Variants in UNC13C observed in about 807,000 individuals in gnomAD.
UNC13C encodes the protein unc-13 homolog C.
In UNC13C, 174 loss-of-function variants were observed where a neutral mutation model predicts 245.4. That is an observed-to-expected ratio of 0.71 (90% CI 0.63 to 0.80). The LOEUF (loss-of-function observed/expected upper bound fraction) is 0.80, where lower values mean the gene tolerates loss of function less well. Among genes scored for constraint, UNC13C ranks in the 30% least tolerant of loss-of-function variants. The probability of loss-of-function intolerance (pLI) is 0.00; values close to 1 mark genes in which losing one functional copy is unlikely to be tolerated. For missense variants in UNC13C, 2,829 were observed against 2,602.9 expected, an observed-to-expected ratio of 1.09 and a Z score of -1.89; for synonymous variants, 992 against 895.1, an observed-to-expected ratio of 1.11 and a Z score of -1.93.
chr15:54,603,749 A>G (rs916373871), intron 30 of UNC13C, among the ~76,000 whole-genome samples: 2 of 152,152 alleles, frequency 1.3e-5, no homozygotes, highest in Non-Finnish European at 2.9e-5. Flanking sequence ...CTGGAATGCC[A>G]GCTACTTGGG....
Position 54,015,037 on chromosome 15 carries a change from T to C in UNC13C, c.2134T>C (p.Tyr712His), listed in dbSNP as rs752352686. ...HSDLQDDSES[Y>H]DLTQDDNSSP... ...TGATCTTCAAGATGACTCAGAGAGC[T>C]ACGACTTAACTCAAGATGACAATTC... The change falls in exon 2 of 33, where the codon TAC (tyrosine) becomes CAC (histidine). Residue 712 changes from tyrosine (Y) to histidine (H), a missense_variant. Tyr to His is a moderately conservative substitution (Grantham distance 83). Coordinates refer to ENST00000260323, the MANE Select transcript of UNC13C (RefSeq NM_001080534.3). 1 of 1,613,236 alleles carries C rather than the reference T, an allele frequency of 6.2e-7. No homozygotes were observed. The highest frequency in any genetic ancestry group is 2.2e-5 in the East Asian group (1 of 44,872).
At chr15:54,111,943 C>T (rs928989977) in intron 2 of UNC13C, among the ~76,000 whole-genome samples, 6 of 152,064 alleles carry the variant, frequency 3.9e-5, no homozygotes, top group Admixed American at 6.6e-5. Flanking sequence ...TATAGAGAAC[C>T]TTTTGCCACA....
the UNC13C span, among the ~76,000 whole-genome samples, chr15:53,847,077 C>CAACAACAAAAAACAACAAA: frequency 6.6e-6 from 1 of 152,004 alleles, no homozygotes; most frequent in African/African-American, 2.4e-5. Context: ...AGAACAACAA[C>CAACAACAAAAAACAACAAA]AACAACAAAA....
chr15:54,327,959 A>G (rs1025718887), intron 14 of UNC13C, among the ~76,000 whole-genome samples: 2 of 152,106 alleles, frequency 1.3e-5, no homozygotes, highest in African/African-American at 4.8e-5. Context: ...GCAGAAAAAG[A>G]ATTTACTGTT....
At chr15:53,945,384 T>G in the UNC13C span, among the ~76,000 whole-genome samples, 2 of 152,164 alleles carry the variant, frequency 1.3e-5, no homozygotes, top group South Asian at 4.1e-4. Flanking sequence ...GGATTTTATA[T>G]TTAAGTCTTT....
chr15:54,296,419 C>T (rs2037437084), intron 11 of UNC13C, among the ~76,000 whole-genome samples: 1 of 143,566 alleles, frequency 7.0e-6, no homozygotes, highest in East Asian at 2.0e-4. Context: ...GGGGTTTCAC[C>T]GTGTTAGCCA....
chr15:54,557,138 A>G (rs530864126), intron 29 of UNC13C, among the ~76,000 whole-genome samples: 1 of 152,148 alleles, frequency 6.6e-6, no homozygotes, highest in African/African-American at 2.4e-5. Flanking sequence ...CTTTGTGGAC[A>G]AAACTACTAT....
chr15:54,258,262 C>A (rs74013565), intron 8 of UNC13C, among the ~76,000 whole-genome samples: 4,094 of 152,134 alleles, frequency 0.027, 198 homozygotes, highest in African/African-American at 0.096. Flanking sequence ...AGATATAGAG[C>A]ATCCAGCATA....
At chr15:53,874,097 T>C in the UNC13C span, among the ~76,000 whole-genome samples, 1 of 152,146 alleles carries the variant, frequency 6.6e-6, no homozygotes, top group Admixed American at 6.5e-5. Context: ...CATCTCAGCC[T>C]ACTGAGTAGC....
chr15:53,996,151 T>C (rs1434583308), intron 1 of UNC13C, among the ~76,000 whole-genome samples: 1 of 152,190 alleles, frequency 6.6e-6, no homozygotes, highest in Non-Finnish European at 1.5e-5. Flanking sequence ...AGAGATGTGA[T>C]CCTTGGAAAG....
At chr15:54,063,336 G>T (rs1897929212) in intron 2 of UNC13C, among the ~76,000 whole-genome samples, 1 of 152,154 alleles carries the variant, frequency 6.6e-6, no homozygotes, top group South Asian at 2.1e-4. Context: ...TGTGTGGTGG[G>T]GAAGGGGGCG....
At chr15:54,308,545 A>G (rs2037784132) in intron 13 of UNC13C, among the ~76,000 whole-genome samples, 1 of 151,826 alleles carries the variant, frequency 6.6e-6, no homozygotes, top group Non-Finnish European at 1.5e-5. Context: ...TCAAGAATAC[A>G]ATGCATTGTT....
the UNC13C span, chr15:53,972,876 C>G: frequency 6.6e-6 from 1 of 152,162 alleles, no homozygotes; most frequent in African/African-American, 2.4e-5. Context: ...TTAAGACATT[C>G]ATCCTTTCCA....
At chr15:54,154,684 G>A (rs573976303) in intron 4 of UNC13C, among the ~76,000 whole-genome samples, 10 of 152,188 alleles carry the variant, frequency 6.6e-5, no homozygotes, top group Admixed American at 2.6e-4. Context: ...GATCTTCATA[G>A]TTGTTCAGGG....
At chr15:54,231,641 T>C (rs1055732987) in intron 4 of UNC13C, among the ~76,000 whole-genome samples, 5 of 152,112 alleles carry the variant, frequency 3.3e-5, no homozygotes, top group African/African-American at 7.2e-5. Flanking sequence ...ATTAGCATTA[T>C]ATCTGTCACC....
intron 8 of UNC13C, among the ~76,000 whole-genome samples, chr15:54,252,888 T>C (rs1596087640): frequency 6.6e-6 from 1 of 152,324 alleles, no homozygotes; most frequent in East Asian, 1.9e-4. Context: ...GACTTTAGAA[T>C]GCTAGTTCAT....
At chr15:53,986,817 GC>G (rs1295363861) in intron 1 of UNC13C, among the ~76,000 whole-genome samples, 2 of 151,952 alleles carry the variant, frequency 1.3e-5, no homozygotes, top group African/African-American at 4.8e-5. Flanking sequence ...AAAAAGCAAA[GC>G]CTGTTATATG....
At chr15:54,225,658 T>C (rs2035360190) in intron 4 of UNC13C, among the ~76,000 whole-genome samples, 1 of 152,238 alleles carries the variant, frequency 6.6e-6, no homozygotes. Flanking sequence ...ACGCTGATTT[T>C]GCATCCTGAG....
intron 2 of UNC13C, among the ~76,000 whole-genome samples, chr15:54,136,987 C>A (rs942396235): frequency 1.3e-5 from 2 of 152,110 alleles, no homozygotes; most frequent in African/African-American, 4.8e-5. Context: ...GAGGTGTACA[C>A]CACCATGCTT....
Sources: gnomAD v4.1 joint callset for allele counts (sites outside exome capture counted in the v4.1 genomes callset) on GRCh38, gnomAD v4.1.1 for gene constraint, MANE v1.5 for transcripts, NCBI Gene and HGNC (gene_info 2026-07-23, HGNC 2026-07-21) for gene names.